PAQR5: variants seen among roughly 807,000 people sequenced by gnomAD.
PAQR5 encodes membrane progestin receptor gamma.
Under a neutral mutation model 34.5 loss-of-function variants are expected in PAQR5, and 20 were observed. The ratio of observed to expected loss-of-function variants is 0.58; its 90% confidence interval spans 0.41 to 0.84. The LOEUF is 0.84. Among genes scored for constraint, PAQR5 ranks in the 40% least tolerant of loss-of-function variants. PAQR5 has a pLI of 0.00. For synonymous variants in PAQR5, 131 were observed against 155.6 expected (o/e 0.84, Z 1.18); for missense variants, 378 against 412.7 (o/e 0.92, Z 0.73).
At chr15:69,319,158 CATATATATATATATAT>C (rs869082537) in intron 1 of PAQR5, among the ~76,000 whole-genome samples, 74 of 4,258 alleles carry the variant, frequency 0.017, no homozygotes, top group Admixed American at 0.16. Flanking sequence ...TAAATATATA[CATATATATATATATAT>C]ATATATATAT....
intron 1 of PAQR5, among the ~76,000 whole-genome samples, chr15:69,312,386 A>G (rs796624638): frequency 1.3e-5 from 2 of 152,176 alleles, no homozygotes; most frequent in African/African-American, 4.8e-5. Flanking sequence ...ACCTTGCATT[A>G]GGTCCAACTT....
chr15:69,387,911 C>CT (rs1292832245), intron 5 of PAQR5, among the ~76,000 whole-genome samples: 1 of 151,586 alleles, frequency 6.6e-6, no homozygotes, highest in Non-Finnish European at 1.5e-5. Flanking sequence ...CTGGATATAC[C>CT]CCCACCATGA....
intron 1 of PAQR5, among the ~76,000 whole-genome samples, chr15:69,300,971 C>CTTTCTT: frequency 1.3e-5 from 1 of 76,034 alleles, no homozygotes; most frequent in East Asian, 3.7e-4. Context: ...TTCTTTCTTT[C>CTTTCTT]TTTCTTTCTT....
intron 1 of PAQR5, among the ~76,000 whole-genome samples, chr15:69,304,162 C>G (rs933173774): frequency 2.0e-5 from 3 of 152,184 alleles, no homozygotes; most frequent in East Asian, 1.9e-4. Context: ...CCTACCCCCC[C>G]ATCCTTGTCC....
Position 69,400,032 on chromosome 15 carries a change from A to C in PAQR5, c.668A>C (p.His223Pro). 6.2e-7 allele frequency: 1 copy of C among 1,614,156 alleles called. No individual in the cohort carries two copies. Among genetic ancestry groups the C allele is most frequent in the African/African-American group, 1.3e-5 (1 of 75,072 alleles). ...QNEATSYHQK[H>P]MIMTLLASFL... ...GAAGCCACCTCGTACCACCAGAAGC[A>C]CATGATCATGACCCTCCTGGCCTCT... The change falls in exon 8 of 9, where the codon CAC becomes CCC. Residue 223 changes from histidine (H) to proline (P), a missense_variant. By Grantham distance (77) the His-to-Pro change is moderately conservative (BLOSUM62 -2). Transcript: ENST00000395407.
chr15:69,346,102 C>G (rs913365593), intron 2 of PAQR5, among the ~76,000 whole-genome samples: 3 of 152,002 alleles, frequency 2.0e-5, no homozygotes, highest in African/African-American at 7.3e-5. Flanking sequence ...ACCAGCCAAG[C>G]TGCTGTTTGA....
intron 1 of PAQR5, among the ~76,000 whole-genome samples, chr15:69,324,223 C>T (rs1038513731): frequency 2.0e-5 from 3 of 152,072 alleles, no homozygotes; most frequent in African/African-American, 7.2e-5. Flanking sequence ...CTGCCATCCT[C>T]ACACAGGGAG....
intron 3 of PAQR5, among the ~76,000 whole-genome samples, chr15:69,376,692 T>G (rs566591682): frequency 6.6e-6 from 1 of 152,342 alleles, no homozygotes; most frequent in East Asian, 1.9e-4. Flanking sequence ...GGGGTCAGCA[T>G]AGCAGGTCAG....
At chr15:69,328,465 G>A (rs2054302869) in intron 1 of PAQR5, among the ~76,000 whole-genome samples, 3 of 152,218 alleles carry the variant, frequency 2.0e-5, no homozygotes, top group Non-Finnish European at 2.9e-5. Context: ...GGGAGGAGGA[G>A]GGCAGCAGGA....
chr15:69,364,657 G>C (rs1449460889), intron 3 of PAQR5, among the ~76,000 whole-genome samples: 2 of 151,532 alleles, frequency 1.3e-5, no homozygotes, highest in African/African-American at 4.9e-5. Flanking sequence ...GTGTGTGTGT[G>C]TGTGTATAAG....
chr15:69,360,994 A>G (rs1366535819), intron 3 of PAQR5, among the ~76,000 whole-genome samples: 1 of 152,226 alleles, frequency 6.6e-6, no homozygotes, highest in Non-Finnish European at 1.5e-5. Context: ...AAGCCTGTGA[A>G]GCCAGGTGAT....
intron 3 of PAQR5, among the ~76,000 whole-genome samples, chr15:69,365,234 G>A (rs2055370142): frequency 6.6e-6 from 1 of 151,930 alleles, no homozygotes; most frequent in Admixed American, 6.6e-5. Context: ...AGCCTCCCAA[G>A]TAGCTGGGAC....
rs370073280 is a variant in PAQR5, at chr15:69,311,289, T to A, written c.-277+12233T>A. 4.7e-3 allele frequency among the ~76,000 whole-genome samples: 712 copies of A among 152,038 alleles called. 2 individuals are homozygous for A. The highest frequency in any genetic ancestry group is 6.8e-3 in the Middle Eastern group (2 of 292). On this transcript the variant is annotated intron_variant, in intron 1 of 8. Transcript: ENST00000395407. ...GAGTGAAGGAAATCGTGAGTTCATC[T>A]AGGGAAGGGGCTGTGTTCACGAGAT...
chr15:69,379,308 A>T (rs2055812811), intron 3 of PAQR5: 2 of 452,432 alleles, frequency 4.4e-6, no homozygotes, highest in Non-Finnish European at 5.7e-6. Context: ...AATGGGCTGC[A>T]TGGGGGTGGG....
chr15:69,359,318 A>G (rs1382247426), intron 2 of PAQR5, among the ~76,000 whole-genome samples: 1 of 152,166 alleles, frequency 6.6e-6, no homozygotes, highest in African/African-American at 2.4e-5. Flanking sequence ...TTGTCACAGG[A>G]TGAGCCGCAG....
intron 1 of PAQR5, among the ~76,000 whole-genome samples, chr15:69,323,856 G>A (rs954045563): frequency 1.3e-5 from 2 of 152,018 alleles, no homozygotes; most frequent in Admixed American, 6.6e-5. Context: ...ACAGTATTAC[G>A]AGATTTAGGC....
chr15:69,301,002 T>G (rs541525622), intron 1 of PAQR5, among the ~76,000 whole-genome samples: 1 of 127,504 alleles, frequency 7.8e-6, no homozygotes, highest in African/African-American at 3.0e-5. Context: ...TTTCTTTCTT[T>G]CTTTCTTTCT....
intron 3 of PAQR5, 152 bp from the exon 4 acceptor site, chr15:69,379,731 G>A: frequency 8.2e-7 from 1 of 1,224,494 alleles, no homozygotes; most frequent in Non-Finnish European, 1.1e-6. Flanking sequence ...CTACTGCGAG[G>A]GAAGGAGAGA....
intron 1 of PAQR5, among the ~76,000 whole-genome samples, chr15:69,326,825 C>T (rs2054264064): frequency 5.9e-5 from 1 of 17,048 alleles, no homozygotes; most frequent in Admixed American, 1.4e-3. Flanking sequence ...CCCTCCCTCC[C>T]CACCCCCGTT....
Sources: allele counts gnomAD v4.1 joint callset (sites outside exome capture counted in the v4.1 genomes callset), GRCh38; gene constraint gnomAD v4.1.1; transcripts MANE v1.5; gene names NCBI Gene and HGNC (gene_info 2026-07-23, HGNC 2026-07-21).